Variants in IGFL4 observed in about 807,000 individuals in gnomAD.
IGFL4 encodes the protein IGF like family member 4, also known as insulin growth factor-like family member 4.
In IGFL4, 12 loss-of-function variants were observed where a neutral mutation model predicts 15.4. That is an observed-to-expected ratio of 0.78 (90% CI 0.50 to 1.26). The LOEUF (loss-of-function observed/expected upper bound fraction) is 1.26, where lower values mean the gene tolerates loss of function less well. IGFL4 is among the 50% of genes most tolerant of loss of function. IGFL4 has a pLI of 0.00. For synonymous variants in IGFL4, 54 were observed against 55.9 expected (o/e 0.97, Z 0.16); for missense variants, 126 against 147.8 (o/e 0.85, Z 0.76).
upstream of IGFL4, among the ~76,000 whole-genome samples, chr19:46,042,510 C>T (rs1306981079): frequency 6.6e-6 from 1 of 152,202 alleles, no homozygotes; most frequent in African/African-American, 2.4e-5. Context: ...AAGCTGATTA[C>T]TAGAATTGAT....
At chr19:46,064,950 T>G (rs1969480905) in intron 1 of IGFL4, among the ~76,000 whole-genome samples, 1 of 152,052 alleles carries the variant, frequency 6.6e-6, no homozygotes, top group African/African-American at 2.4e-5. Context: ...CTGCCAGCAC[T>G]TGTTATTGCC....
chr19:46,070,985 C>T (rs927501285), intron 1 of IGFL4, among the ~76,000 whole-genome samples: 3 of 152,068 alleles, frequency 2.0e-5, no homozygotes, highest in African/African-American at 4.8e-5. Context: ...CAGAGGTCTG[C>T]GATATTTGCC....
At chr19:46,042,238 A>T (rs1420463409), upstream of IGFL4, among the ~76,000 whole-genome samples, 2 of 152,190 alleles carry the variant, frequency 1.3e-5, no homozygotes, top group Non-Finnish European at 2.9e-5. Flanking sequence ...GTATTTGCAT[A>T]GATATGTCTG....
intron 2 of IGFL4, among the ~76,000 whole-genome samples, chr19:46,054,908 C>A (rs908635143): frequency 3.9e-5 from 6 of 152,196 alleles, no homozygotes; most frequent in Non-Finnish European, 8.8e-5. Flanking sequence ...AGCCCTGGAG[C>A]TATTGCTGAT....
intron 2 of IGFL4, among the ~76,000 whole-genome samples, chr19:46,053,366 C>A (rs573195374): frequency 4.6e-5 from 7 of 152,294 alleles, no homozygotes; most frequent in African/African-American, 1.4e-4. Context: ...AGGCACCCAC[C>A]ACCACGCCTG....
chr19:46,055,101 A>G (rs1969381042), intron 2 of IGFL4, among the ~76,000 whole-genome samples: 1 of 152,198 alleles, frequency 6.6e-6, no homozygotes. Flanking sequence ...GAACCATGGG[A>G]GCAGTAAGTA....
At chr19:46,063,641 T>A (rs534108271) in intron 1 of IGFL4, among the ~76,000 whole-genome samples, 1 of 152,346 alleles carries the variant, frequency 6.6e-6, no homozygotes, top group East Asian at 1.9e-4. Context: ...AGATGCTCCA[T>A]ATTTATTGAC....
At chr19:46,042,134 C>G (rs1969252189), upstream of IGFL4, among the ~76,000 whole-genome samples, 1 of 35,812 alleles carries the variant, frequency 2.8e-5, no homozygotes, top group Non-Finnish European at 5.1e-5. Flanking sequence ...TATTTGCACT[C>G]CAGCCTGGCC....
intron 1 of IGFL4, among the ~76,000 whole-genome samples, chr19:46,060,688 T>C (rs564073044): frequency 1.3e-5 from 2 of 152,320 alleles, no homozygotes; most frequent in East Asian, 3.9e-4. Context: ...ACTGATAATG[T>C]ACACTAAGTT....
chr19:46,062,885 C>T (rs1341871437), intron 1 of IGFL4: 1 of 152,294 alleles, frequency 6.6e-6, no homozygotes, highest in Admixed American at 6.5e-5. Flanking sequence ...CCTATTGTCC[C>T]ATGATCCTGT....
chr19:46,046,502 T>C (rs564760720), intron 2 of IGFL4, among the ~76,000 whole-genome samples: 3 of 152,316 alleles, frequency 2.0e-5, no homozygotes, highest in Non-Finnish European at 4.4e-5. Flanking sequence ...ATATACTGTC[T>C]TCGAGAGACC....
At chr19:46,061,062 C>T (rs188967803) in intron 1 of IGFL4, among the ~76,000 whole-genome samples, 1 of 152,316 alleles carries the variant, frequency 6.6e-6, no homozygotes, top group East Asian at 1.9e-4. Flanking sequence ...AGTAATACCC[C>T]TTTAACTTTA....
intron 2 of IGFL4, chr19:46,059,710 A>C (rs894102216): frequency 9.2e-5 from 14 of 152,320 alleles, no homozygotes; most frequent in South Asian, 6.2e-4. Flanking sequence ...GCTTTATTAT[A>C]CTTGGCCTAA....
chr19:46,049,593 C>T lies in IGFL4; in HGVS notation c.-322-8483G>A, dbSNP rs536880835. Among the ~76,000 whole-genome samples the T allele has an allele frequency of 1.9e-4, 29 of 152,276 alleles. No individual in the cohort carries two copies. In the South Asian group the frequency reaches 6.0e-3, roughly 32 times the overall value. Reference sequence around the variant, plus strand: ...TCCATTGTCCTGGGAACCACACCCCCATCCCCTATAGCAGCCACAGCAAGT... The same window carrying T: ...TCCATTGTCCTGGGAACCACACCCCTATCCCCTATAGCAGCCACAGCAAGT... On this transcript the variant is annotated intron_variant, in intron 2 of 5. Coordinates refer to the IGFL4 transcript ENST00000601672.
rs545768254 is a variant in IGFL4 at position 46,052,375 on chromosome 19, T to C, written c.-323+7810A>G. 5.9e-5 allele frequency among the ~76,000 whole-genome samples: 9 copies of C among 152,328 alleles called. No individual in the cohort carries two copies. In the South Asian group the frequency reaches 1.9e-3, roughly 32 times the overall value. ...ACCATGCAAATACATGGAAATTAAATAACCTGCTCCTGAGTGATCATTGGG... is the reference window on the plus strand; with the variant it reads ...ACCATGCAAATACATGGAAATTAAACAACCTGCTCCTGAGTGATCATTGGG... On this transcript the variant is annotated intron_variant, in intron 2 of 5. Coordinates refer to the IGFL4 transcript ENST00000601672.
intron 1 of IGFL4, among the ~76,000 whole-genome samples, chr19:46,060,500 A>T (rs1451762658): frequency 2.0e-5 from 3 of 152,218 alleles, no homozygotes; most frequent in African/African-American, 7.2e-5. Flanking sequence ...GCATTTAAGA[A>T]TATCTGCTAG....
chr19:46,053,413 C>T (rs1969366113), intron 2 of IGFL4, among the ~76,000 whole-genome samples: 2 of 152,140 alleles, frequency 1.3e-5, no homozygotes, highest in South Asian at 2.1e-4. Flanking sequence ...CGGGGTTTTA[C>T]CATGTTGGCC....
intron 2 of IGFL4, among the ~76,000 whole-genome samples, chr19:46,050,699 G>A (rs991872722): frequency 2.0e-5 from 3 of 152,184 alleles, no homozygotes; most frequent in Admixed American, 6.5e-5. Flanking sequence ...AAGAATAGTT[G>A]GTGGTCCGGA....
intron 1 of IGFL4, among the ~76,000 whole-genome samples, chr19:46,071,407 T>C (rs998560067): frequency 1.3e-5 from 2 of 152,184 alleles, no homozygotes; most frequent in Non-Finnish European, 2.9e-5. Context: ...GTATCACTAG[T>C]TGGTTCTGCT....
Sources: gnomAD v4.1 joint callset for allele counts (sites outside exome capture counted in the v4.1 genomes callset) on GRCh38, gnomAD v4.1.1 for gene constraint, MANE v1.5 for transcripts, NCBI Gene and HGNC (gene_info 2026-07-23, HGNC 2026-07-21) for gene names.